Variants in CHCHD6 observed in about 807,000 individuals in gnomAD.
CHCHD6 encodes coiled-coil-helix-coiled-coil-helix domain containing 6, also known as MICOS complex subunit MIC25.
CHCHD6 carries 28 observed loss-of-function variants against 32.3 expected under a neutral mutation model. The observed-to-expected ratio is 0.87, with a 90% CI of 0.64 to 1.19. The LOEUF is 1.19. Ranked by LOEUF, CHCHD6 falls within the 50% of genes most tolerant of loss-of-function variation. The probability of loss-of-function intolerance (pLI) is 0.00; values close to 1 mark genes in which losing one functional copy is unlikely to be tolerated. For missense variants in CHCHD6, 333 were observed against 307.0 expected (o/e 1.08, Z -0.63); for synonymous variants, 122 against 117.5 (o/e 1.04, Z -0.25).
chr3:126,834,053 CAA>C (rs55790919), intron 4 of CHCHD6, among the ~76,000 whole-genome samples: 452 of 44,360 alleles, frequency 0.01, no homozygotes, highest in African/African-American at 0.031. Flanking sequence ...GACTCCGTCT[CAA>C]AAAAAAAAAA....
intron 6 of CHCHD6, among the ~76,000 whole-genome samples, chr3:126,922,855 C>T (rs1359159109): frequency 1.3e-5 from 2 of 152,176 alleles, no homozygotes; most frequent in African/African-American, 4.8e-5. Flanking sequence ...GAGAGTTGAC[C>T]AACAGAGGTT....
intron 5 of CHCHD6, among the ~76,000 whole-genome samples, chr3:126,905,004 G>A (rs544594214): frequency 2.0e-5 from 3 of 152,212 alleles, no homozygotes; most frequent in Non-Finnish European, 4.4e-5. Context: ...GCTGCTTCCA[G>A]GAGGCTAGGC....
intron 5 of CHCHD6, among the ~76,000 whole-genome samples, chr3:126,903,216 G>A (rs1437388492): frequency 2.0e-5 from 3 of 152,202 alleles, no homozygotes; most frequent in Admixed American, 2.0e-4. Context: ...TCTAGGATCA[G>A]CACAAAGAGC....
At chr3:126,779,056 T>C (rs547352524) in intron 4 of CHCHD6, among the ~76,000 whole-genome samples, 1 of 152,174 alleles carries the variant, frequency 6.6e-6, no homozygotes, top group South Asian at 2.1e-4. Context: ...GCCAAAAGTT[T>C]TAAATTTTGA....
At chr3:126,842,929 T>C (rs1433029023) in intron 4 of CHCHD6, among the ~76,000 whole-genome samples, 1 of 151,946 alleles carries the variant, frequency 6.6e-6, no homozygotes, top group Non-Finnish European at 1.5e-5. Flanking sequence ...TCTAGAAATA[T>C]GTCTGTTAAA....
intron 5 of CHCHD6, among the ~76,000 whole-genome samples, chr3:126,901,035 G>A (rs868365412): frequency 2.0e-4 from 31 of 152,128 alleles, no homozygotes; most frequent in Middle Eastern, 3.2e-3. Context: ...CTCCAACACT[G>A]GGGAGGTGTT....
At chr3:126,799,703 G>A (rs776449615) in intron 4 of CHCHD6, among the ~76,000 whole-genome samples, 35 of 152,222 alleles carry the variant, frequency 2.3e-4, no homozygotes, top group African/African-American at 7.5e-4. Flanking sequence ...TGATCTCTTC[G>A]CCTGGTGTCC....
intron 4 of CHCHD6, among the ~76,000 whole-genome samples, chr3:126,849,773 T>C (rs1303706723): frequency 6.6e-6 from 1 of 152,232 alleles, no homozygotes; most frequent in Non-Finnish European, 1.5e-5. Context: ...AGCTTCATGA[T>C]AGCAGAAATT....
intron 6 of CHCHD6, among the ~76,000 whole-genome samples, chr3:126,926,511 A>AGT (rs1354079003): frequency 6.6e-6 from 1 of 152,154 alleles, no homozygotes; most frequent in Non-Finnish European, 1.5e-5. Flanking sequence ...GCCAAGGTGA[A>AGT]GTGGACCAGG....
intron 5 of CHCHD6, among the ~76,000 whole-genome samples, chr3:126,909,164 G>C (rs1576587988): frequency 6.6e-6 from 1 of 152,334 alleles, no homozygotes; most frequent in East Asian, 1.9e-4. Flanking sequence ...AGGTGGTTAG[G>C]GGGTGTCTTT....
chr3:126,820,202 C>T (rs1170734457), intron 4 of CHCHD6, among the ~76,000 whole-genome samples: 1 of 152,214 alleles, frequency 6.6e-6, no homozygotes, highest in Non-Finnish European at 1.5e-5. Flanking sequence ...GGTTGGTCAA[C>T]ATATTCTTTT....
intron 4 of CHCHD6, among the ~76,000 whole-genome samples, chr3:126,798,478 G>T (rs567498227): frequency 6.6e-6 from 1 of 152,322 alleles, no homozygotes; most frequent in African/African-American, 2.4e-5. Flanking sequence ...GAAACTAAAT[G>T]TGCCCTTTTC....
chr3:126,951,761 G>A (rs375844992), intron 6 of CHCHD6, among the ~76,000 whole-genome samples: 5 of 152,154 alleles, frequency 3.3e-5, no homozygotes, highest in South Asian at 4.1e-4. Flanking sequence ...TCAGGCTGGC[G>A]GCAGAGTTAT....
intron 2 of CHCHD6, among the ~76,000 whole-genome samples, chr3:126,727,593 A>C (rs1935595063): frequency 6.6e-6 from 1 of 152,202 alleles, no homozygotes; most frequent in African/African-American, 2.4e-5. Flanking sequence ...GAATTCCGTC[A>C]GTGATTTAGG....
intron 6 of CHCHD6, among the ~76,000 whole-genome samples, chr3:126,954,001 G>A (rs904268696): frequency 2.0e-5 from 3 of 152,184 alleles, no homozygotes; most frequent in East Asian, 1.9e-4. Context: ...TGGCTTCACC[G>A]AAGGCCTAGC....
chr3:126,927,790 T>C (rs2078346120), intron 6 of CHCHD6, among the ~76,000 whole-genome samples: 1 of 152,206 alleles, frequency 6.6e-6, no homozygotes, highest in South Asian at 2.1e-4. Context: ...TTTTAATCAG[T>C]AGAGAGGTTA....
At chr3:126,825,340 C>G (rs1277785370) in intron 4 of CHCHD6, among the ~76,000 whole-genome samples, 5 of 152,138 alleles carry the variant, frequency 3.3e-5, no homozygotes, top group Admixed American at 3.3e-4. Flanking sequence ...TGTATATGCT[C>G]TGTTCTGGAA....
intron 4 of CHCHD6, among the ~76,000 whole-genome samples, chr3:126,754,467 G>A (rs17693752): frequency 0.14 from 21,208 of 152,226 alleles, 1,986 homozygotes; most frequent in Non-Finnish European, 0.21. Flanking sequence ...TCTCCCTGTG[G>A]ACATCTGTGC....
At chr3:126,817,253 A>T (rs1364462981) in intron 4 of CHCHD6, among the ~76,000 whole-genome samples, 1 of 151,908 alleles carries the variant, frequency 6.6e-6, no homozygotes, top group Non-Finnish European at 1.5e-5. Flanking sequence ...AAGCCAGCAG[A>T]TCCTTGTAGA....
Sources: gnomAD v4.1 joint callset for allele counts (sites outside exome capture counted in the v4.1 genomes callset) on GRCh38, gnomAD v4.1.1 for gene constraint, MANE v1.5 for transcripts, NCBI Gene and HGNC (gene_info 2026-07-23, HGNC 2026-07-21) for gene names.